TRPC3: variants seen among roughly 807,000 people sequenced by gnomAD.
TRPC3 encodes transient receptor potential cation channel subfamily C member 3.
In TRPC3, 54 loss-of-function variants were observed where a neutral mutation model predicts 90.9. The observed-to-expected ratio is 0.59, with a 90% CI of 0.48 to 0.75. The LOEUF is 0.75. Ranked by LOEUF, TRPC3 falls within the 30% of genes least tolerant of loss-of-function variation. The pLI, the probability that TRPC3 is intolerant of heterozygous loss-of-function variation, is 0.00. For missense variants in TRPC3, 918 were observed against 1,194.5 expected (o/e 0.77, Z 3.41); for synonymous variants, 424 against 450.9 (o/e 0.94, Z 0.75).
chr4:121,907,629 G>C, intron 6 of TRPC3, 62 bp from the exon 7 acceptor site: 1 of 1,525,314 alleles, frequency 6.6e-7, no homozygotes, highest in Non-Finnish European at 8.8e-7. Flanking sequence ...ACTACGCAAA[G>C]CAAATACCTT....
intron 10 of TRPC3, among the ~76,000 whole-genome samples, chr4:121,894,355 A>G (rs541577349): frequency 2.0e-5 from 3 of 152,186 alleles, no homozygotes; most frequent in African/African-American, 7.2e-5. Flanking sequence ...AGATATATAA[A>G]GCAAATATTA....
At chr4:121,909,376 C>A (rs182314253) in intron 6 of TRPC3, among the ~76,000 whole-genome samples, 1 of 152,246 alleles carries the variant, frequency 6.6e-6, no homozygotes, top group East Asian at 1.9e-4. Context: ...AGTTCCCTTA[C>A]CTGTAAGATG....
intron 2 of TRPC3, among the ~76,000 whole-genome samples, chr4:121,926,334 A>G (rs1448660879): frequency 6.6e-6 from 1 of 152,072 alleles, no homozygotes; most frequent in African/African-American, 2.4e-5. Flanking sequence ...GAATACACAC[A>G]TAGTTTACCA....
chr4:121,913,496 T>G (rs554851532), intron 4 of TRPC3, among the ~76,000 whole-genome samples: 2 of 152,280 alleles, frequency 1.3e-5, no homozygotes, highest in East Asian at 3.9e-4. Context: ...CTTGTAAAAG[T>G]GCAGGGAAAA....
intron 10 of TRPC3, among the ~76,000 whole-genome samples, chr4:121,887,189 T>G (rs556155859): frequency 1.6e-4 from 24 of 152,240 alleles, no homozygotes; most frequent in Non-Finnish European, 3.1e-4. Flanking sequence ...CAGACTGCTC[T>G]GAGCTATTTT....
chr4:121,932,127 G>T lies in TRPC3; in HGVS notation c.987+144C>A. On this transcript the variant is annotated intron_variant, in intron 2 of 11. Transcript: ENST00000379645. This position sits in a 1 kb window ranked among gnomAD's most constrained non-coding sequence, Gnocchi z 7.7. ...AGGGAGAAAGAAAACATTAGATGAG[G>T]TCTGAATGACGTTCTCAGTCCCTCG... The T allele has an allele frequency of 4.7e-6, 6 of 1,289,958 alleles. No individual in the cohort carries two copies. The South Asian group carries it at 6.1e-5, about 13-fold the overall frequency. 79.9% of individuals were successfully genotyped at this position (1,289,958 alleles called of 1,614,324 possible). A position where few individuals can be genotyped will look rare whatever the true frequency, so the allele number is the denominator to read the frequency against.
intron 2 of TRPC3, among the ~76,000 whole-genome samples, chr4:121,931,142 C>T (rs1227505825): frequency 1.3e-5 from 2 of 151,984 alleles, no homozygotes; most frequent in African/African-American, 4.8e-5. Context: ...CTTGCAACAC[C>T]GGGGCAAAGT....
intron 10 of TRPC3, among the ~76,000 whole-genome samples, chr4:121,891,634 C>T (rs1381004591): frequency 1.3e-5 from 2 of 152,202 alleles, no homozygotes; most frequent in African/African-American, 2.4e-5. Flanking sequence ...TGAAGATCTT[C>T]TTCCTCTCCC....
rs202072282 is a variant in TRPC3 at position 121,879,691 on chromosome 4, T to C, written c.*45A>G. On this transcript the variant is annotated 3_prime_UTR_variant, in exon 12 of 12. Coordinates refer to ENST00000379645, the MANE Select transcript of TRPC3 (RefSeq NM_001130698.2). ...AGTATTTCATACTTAGAAATATTATTGCCCACATTTGTGCTATAGTCAAAG... is the reference window on the plus strand; with the variant it reads ...AGTATTTCATACTTAGAAATATTATCGCCCACATTTGTGCTATAGTCAAAG... The C allele has an allele frequency of 6.4e-7, 1 of 1,561,018 alleles. No homozygotes were observed. Among genetic ancestry groups the C allele is most frequent in the Non-Finnish European group, 8.6e-7 (1 of 1,161,208 alleles).
chr4:121,915,091 ATTC>A (rs538069523), intron 3 of TRPC3, 147 bp from the exon 4 acceptor site: 15 of 645,492 alleles, frequency 2.3e-5, no homozygotes, highest in Non-Finnish European at 3.5e-5. Context: ...TTCTGGTAAT[ATTC>A]TTCTTAGCTT....
intron 10 of TRPC3, among the ~76,000 whole-genome samples, chr4:121,895,918 G>GT (rs1329524919): frequency 6.6e-6 from 1 of 151,968 alleles, no homozygotes; most frequent in Admixed American, 6.6e-5. Flanking sequence ...GAACATAGAT[G>GT]TAAAAATCCT....
At chr4:121,945,179 GTTA>G in intron 1 of TRPC3, among the ~76,000 whole-genome samples, 1 of 152,348 alleles carries the variant, frequency 6.6e-6, no homozygotes, top group South Asian at 2.1e-4. Context: ...AATAAGATCA[GTTA>G]CGAGTAAGAA....
intron 2 of TRPC3, among the ~76,000 whole-genome samples, chr4:121,931,407 A>C (rs1729913183): frequency 6.6e-6 from 1 of 152,184 alleles, no homozygotes; most frequent in African/African-American, 2.4e-5. Context: ...ACTATGAAAT[A>C]CCCAGATTTA....
chr4:121,915,344 T>C (rs1312477012), intron 3 of TRPC3, among the ~76,000 whole-genome samples: 1 of 152,238 alleles, frequency 6.6e-6, no homozygotes, highest in African/African-American at 2.4e-5. Context: ...TTACTTGGTT[T>C]ATTGTAGGCT....
chr4:121,898,048 G>C (rs142518535), intron 10 of TRPC3, among the ~76,000 whole-genome samples: 1 of 152,254 alleles, frequency 6.6e-6, no homozygotes, highest in East Asian at 1.9e-4. Flanking sequence ...AATAAGCCAG[G>C]AACATAAAGT....
chr4:121,891,828 C>T (rs947943625), intron 10 of TRPC3, among the ~76,000 whole-genome samples: 1 of 152,182 alleles, frequency 6.6e-6, no homozygotes, highest in African/African-American at 2.4e-5. Flanking sequence ...TTTGTCATAT[C>T]CCTTCTCCAC....
intron 10 of TRPC3, among the ~76,000 whole-genome samples, chr4:121,892,566 G>C (rs970947186): frequency 6.6e-6 from 1 of 152,138 alleles, no homozygotes; most frequent in African/African-American, 2.4e-5. Flanking sequence ...AGGAACATGA[G>C]AGAGAAATAA....
chr4:121,931,902 G>A (rs1232793121), intron 2 of TRPC3, among the ~76,000 whole-genome samples: 1 of 152,128 alleles, frequency 6.6e-6, no homozygotes, highest in Non-Finnish European at 1.5e-5. Context: ...TTACTTATGT[G>A]CTACCATGCA....
intron 3 of TRPC3, among the ~76,000 whole-genome samples, chr4:121,915,573 T>C (rs558002202): frequency 1.3e-5 from 2 of 152,356 alleles, no homozygotes; most frequent in East Asian, 3.9e-4. Context: ...CGTCCTCTTT[T>C]TTATTGCTTC....
Sources: gnomAD v4.1 joint callset for allele counts (sites outside exome capture counted in the v4.1 genomes callset) on GRCh38, gnomAD v4.1.1 for gene constraint, Gnocchi (gnomAD v3.1) non-coding constraint, MANE v1.5 for transcripts, NCBI Gene and HGNC (gene_info 2026-07-23, HGNC 2026-07-21) for gene names.